PIEZO2: variants seen among roughly 807,000 people sequenced by gnomAD.
The protein encoded by PIEZO2 is piezo type mechanosensitive ion channel component 2.
PIEZO2 carries 172 observed loss-of-function variants against 337.3 expected under a neutral mutation model. The observed-to-expected ratio is 0.51, with a 90% CI of 0.45 to 0.58. The LOEUF is 0.58. Among genes scored for constraint, PIEZO2 ranks in the 20% least tolerant of loss-of-function variants. The probability of loss-of-function intolerance (pLI) is 0.00; values close to 1 mark genes in which losing one functional copy is unlikely to be tolerated. For synonymous variants in PIEZO2, 1,251 were observed against 1,228.5 expected (o/e 1.02, Z -0.38); for missense variants, 3,028 against 3,391.3 (o/e 0.89, Z 2.66).
At chr18:11,079,662 T>C (rs1202676225) in intron 1 of PIEZO2, among the ~76,000 whole-genome samples, 2 of 152,226 alleles carry the variant, frequency 1.3e-5, no homozygotes, top group Non-Finnish European at 2.9e-5. Context: ...AATTAATTCC[T>C]GCCTGTTTCT....
At chr18:10,684,290 C>T (rs568043594) in intron 49 of PIEZO2, among the ~76,000 whole-genome samples, 8,842 of 145,196 alleles carry the variant, frequency 0.061, 903 homozygotes, top group African/African-American at 0.21. Context: ...CTCAGCCTCC[C>T]AAGTAGCTGG....
intron 1 of PIEZO2, among the ~76,000 whole-genome samples, chr18:11,106,418 C>CTTTTTTTTTTT (rs539595699): frequency 4.6e-5 from 6 of 129,602 alleles, no homozygotes; most frequent in African/African-American, 1.6e-4. Flanking sequence ...TTTCCTCTCT[C>CTTTTTTTTTTT]TTTTTTTTTT....
Position 10,870,025 on chromosome 18 carries a change from A to T in PIEZO2, c.492+1228T>A, listed in dbSNP as rs1177172053. On this transcript the variant is annotated intron_variant, in intron 5 of 55. Transcript: ENST00000674853. The surrounding 1 kb of genome is among the most constrained non-coding windows in gnomAD (Gnocchi z 5.3). ...TGAGTAGCTAGAATTACAGGCAAGC[A>T]CCATCACGCTCAGCTAATTTTTGTA... Among the ~76,000 whole-genome samples the T allele has an allele frequency of 2.0e-5, 3 of 152,058 alleles. No individual in the cohort carries two copies. The East Asian group carries it at 5.8e-4, about 29-fold the overall frequency.
chr18:10,919,854 G>GACACACAC (rs111787556), intron 3 of PIEZO2, among the ~76,000 whole-genome samples: 1 of 151,068 alleles, frequency 6.6e-6, no homozygotes, highest in Non-Finnish European at 1.5e-5. Context: ...GGAAAGTAGA[G>GACACACAC]ACACACACAC....
chr18:10,754,924 G>T (rs2037777600), intron 27 of PIEZO2, among the ~76,000 whole-genome samples: 1 of 152,062 alleles, frequency 6.6e-6, no homozygotes, highest in African/African-American at 2.4e-5. Context: ...CTCTACAACA[G>T]GGATAACCGC....
chr18:11,112,350 A>C lies in PIEZO2; in HGVS notation c.64+36175T>G, dbSNP rs145915041. On this transcript the variant is annotated intron_variant, in intron 1 of 55. Coordinates refer to ENST00000674853, the MANE Select transcript of PIEZO2 (RefSeq NM_001378183.1). The surrounding 1 kb of genome is among the most constrained non-coding windows in gnomAD (Gnocchi z 4.3). Reference sequence around the variant, plus strand: ...TTGAGATATTCTGATCCACCCATTTAAGTAAAGGCCTGGTCCAGTCATTCT... The same window carrying C: ...TTGAGATATTCTGATCCACCCATTTCAGTAAAGGCCTGGTCCAGTCATTCT... Among the ~76,000 whole-genome samples, 2,869 of 152,314 alleles carry C rather than the reference A, an allele frequency of 0.019. 49 individuals are homozygous for C. The highest frequency in any genetic ancestry group is 0.027 in the Non-Finnish European group (1,824 of 68,030).
chr18:10,930,210 G>A (rs755133043), intron 3 of PIEZO2, among the ~76,000 whole-genome samples: 3 of 152,132 alleles, frequency 2.0e-5, no homozygotes, highest in Non-Finnish European at 4.4e-5. Flanking sequence ...TTCCTTACTA[G>A]GTCGCTTTGG....
intron 3 of PIEZO2, among the ~76,000 whole-genome samples, chr18:10,961,959 A>T (rs1469301199): frequency 6.6e-6 from 1 of 152,204 alleles, no homozygotes; most frequent in African/African-American, 2.4e-5. Flanking sequence ...AGCATGGAAG[A>T]GTGTTGGCTT....
At position 10,859,424 on chromosome 18, in the gene PIEZO2, G is replaced by A. The variant is rs565766114; in HGVS notation, c.493-2213C>T. The stretch of plus-strand genomic sequence containing the variant: ...CACCTGCAGCTGGCCTGCCACGCAC[G>A]CACTCTGCCCTCCTCCTGTAACAAG... On this transcript the variant is annotated intron_variant, in intron 5 of 55. Coordinates refer to ENST00000674853, the MANE Select transcript of PIEZO2 (RefSeq NM_001378183.1). The surrounding 1 kb of genome is among the most constrained non-coding windows in gnomAD (Gnocchi z 4.9). Among the ~76,000 whole-genome samples the A allele has an allele frequency of 5.9e-5, 9 of 152,284 alleles. No homozygotes were observed. Among genetic ancestry groups the A allele is most frequent in the African/African-American group, 9.6e-5 (4 of 41,570 alleles).
intron 2 of PIEZO2, among the ~76,000 whole-genome samples, chr18:11,010,199 G>A (rs1056270347): frequency 1.1e-4 from 16 of 152,278 alleles, no homozygotes; most frequent in South Asian, 2.1e-4. Flanking sequence ...CTGGTATTGT[G>A]CTAGATGCTA....
At position 10,942,471 on chromosome 18, in the gene PIEZO2, T is replaced by C. The variant is rs2032781055; in HGVS notation, c.287-31243A>G. Among the ~76,000 whole-genome samples, 1 of 152,208 alleles carries C rather than the reference T, an allele frequency of 6.6e-6. No individual in the cohort carries two copies. The highest frequency in any genetic ancestry group is 2.4e-5 in the African/African-American group (1 of 41,448). On this transcript the variant is annotated intron_variant, in intron 3 of 55. Transcript: ENST00000674853. The surrounding 1 kb of genome is among the most constrained non-coding windows in gnomAD (Gnocchi z 4.4). ...TCTTGTTATGTTTTAGCAAAGCGAC[T>C]GGCAGCATTCTGCCCCTGCCCTAGA...
At chr18:11,025,546 T>G (rs1016269798) in intron 2 of PIEZO2, among the ~76,000 whole-genome samples, 4 of 152,082 alleles carry the variant, frequency 2.6e-5, no homozygotes, top group African/African-American at 9.7e-5. Context: ...CATTCCATTA[T>G]CCTGGCGATC....
intron 3 of PIEZO2, among the ~76,000 whole-genome samples, chr18:10,947,580 G>A (rs4573992): frequency 0.58 from 88,250 of 151,984 alleles, 26,046 homozygotes; most frequent in African/African-American, 0.65. Flanking sequence ...TGCTCTCAAA[G>A]AAGAGAGTTC....
At chr18:11,042,249 G>C (rs965981971) in intron 2 of PIEZO2, among the ~76,000 whole-genome samples, 1 of 152,148 alleles carries the variant, frequency 6.6e-6, no homozygotes, top group Non-Finnish European at 1.5e-5. Context: ...CTGAGATCTA[G>C]CCCTCGTCCC....
intron 38 of PIEZO2, 88 bp from the exon 39 acceptor site, chr18:10,715,018 T>C (rs1286848044): frequency 2.0e-5 from 26 of 1,294,790 alleles, no homozygotes; most frequent in African/African-American, 2.9e-5. Flanking sequence ...CAGCTTTTCA[T>C]ACCCATGCAT....
chr18:10,927,710 A>C (rs2031832461), intron 3 of PIEZO2, among the ~76,000 whole-genome samples: 1 of 152,174 alleles, frequency 6.6e-6, no homozygotes, highest in African/African-American at 2.4e-5. Context: ...ACCTAAAATG[A>C]AAGGTAAAGC....
At chr18:10,825,481 G>A (rs1779346567) in intron 7 of PIEZO2, among the ~76,000 whole-genome samples, 1 of 150,516 alleles carries the variant, frequency 6.6e-6, no homozygotes, top group African/African-American at 2.4e-5. Context: ...TTGATCACTT[G>A]GCTGAGTGTT....
At chr18:11,008,493 T>C (rs1355729640) in intron 2 of PIEZO2, among the ~76,000 whole-genome samples, 3 of 152,212 alleles carry the variant, frequency 2.0e-5, no homozygotes, top group Non-Finnish European at 2.9e-5. Flanking sequence ...AGTTCCCAGA[T>C]TGCTTGCCTG....
intron 2 of PIEZO2, among the ~76,000 whole-genome samples, chr18:11,051,787 A>G (rs914986685): frequency 1.3e-5 from 2 of 152,250 alleles, no homozygotes; most frequent in African/African-American, 4.8e-5. Flanking sequence ...GTTGAAACCA[A>G]CTGAAAAGGG....
Sources: gnomAD v4.1 joint callset for allele counts (sites outside exome capture counted in the v4.1 genomes callset) on GRCh38, gnomAD v4.1.1 for gene constraint, Gnocchi (gnomAD v3.1) non-coding constraint, MANE v1.5 for transcripts, NCBI Gene and HGNC (gene_info 2026-07-23, HGNC 2026-07-21) for gene names.